Variants in DOCK3 observed in about 807,000 individuals in gnomAD.
DOCK3 encodes the protein dedicator of cytokinesis protein 3.
In DOCK3, 60 loss-of-function variants were observed where a neutral mutation model predicts 265.6. That is an observed-to-expected ratio of 0.23 (90% CI 0.18 to 0.28). The LOEUF (loss-of-function observed/expected upper bound fraction) is 0.28, where lower values mean the gene tolerates loss of function less well. DOCK3 is among the 10% of genes least tolerant of loss of function. The pLI, the probability that DOCK3 is intolerant of heterozygous loss-of-function variation, is 1.00. For missense variants in DOCK3, 1,981 were observed against 2,594.3 expected, an observed-to-expected ratio of 0.76 and a Z score of 5.14; for synonymous variants, 881 against 938.0, an observed-to-expected ratio of 0.94 and a Z score of 1.11.
intron 5 of DOCK3, 134 bp from the exon 6 acceptor site, chr3:51,064,308 TTTAAAA>T: frequency 9.0e-7 from 1 of 1,116,254 alleles, no homozygotes; most frequent in Non-Finnish European, 1.3e-6. Flanking sequence ...ACTTTCAGAC[TTTAAAA>T]TTAAGTTCCT....
intron 10 of DOCK3, among the ~76,000 whole-genome samples, chr3:51,153,471 C>G (rs1044981755): frequency 1.3e-5 from 2 of 152,198 alleles, no homozygotes; most frequent in African/African-American, 4.8e-5. Context: ...CCAGGTGAAG[C>G]GATGCCCCAC....
intron 40 of DOCK3, among the ~76,000 whole-genome samples, chr3:51,352,700 C>G (rs1171889232): frequency 6.6e-6 from 1 of 152,240 alleles, no homozygotes; most frequent in Non-Finnish European, 1.5e-5. Flanking sequence ...TCCCTTATTT[C>G]AGCTGCTCAG....
chr3:50,952,424 A>C (rs2076618896), intron 5 of DOCK3, among the ~76,000 whole-genome samples: 1 of 152,212 alleles, frequency 6.6e-6, no homozygotes, highest in African/African-American at 2.4e-5. Flanking sequence ...TTCACAGAAA[A>C]AAAAGGTATT....
intron 2 of DOCK3, among the ~76,000 whole-genome samples, chr3:50,800,447 T>C (rs2043014695): frequency 1.3e-5 from 2 of 152,134 alleles, no homozygotes; most frequent in African/African-American, 4.8e-5. Context: ...GGAATTTATC[T>C]GTTCTAGGTT....
chr3:50,694,085 A>G (rs527805722), intron 1 of DOCK3, among the ~76,000 whole-genome samples: 9 of 151,992 alleles, frequency 5.9e-5, no homozygotes, highest in South Asian at 2.1e-4. Flanking sequence ...CCTGGCCAAC[A>G]TGGCAAAACC....
intron 12 of DOCK3, among the ~76,000 whole-genome samples, chr3:51,171,257 G>C (rs2086663599): frequency 6.6e-6 from 1 of 152,040 alleles, no homozygotes; most frequent in Admixed American, 6.6e-5. Flanking sequence ...TTTATCTCAA[G>C]GTATATTATG....
In DOCK3 at chr3:50,841,057, G is replaced by A. The variant is rs568565830; in HGVS notation, c.122-618G>A. On this transcript the variant is annotated intron_variant, in intron 2 of 52. Transcript: ENST00000266037. Reference sequence around the variant, plus strand: ...CTGCTTCCTTTTAAACCCAAATAAAGAAACTATAGCAAACCTCTGAAAATA... The same window carrying A: ...CTGCTTCCTTTTAAACCCAAATAAAAAAACTATAGCAAACCTCTGAAAATA... Among the ~76,000 whole-genome samples the A allele has an allele frequency of 5.9e-5, 9 of 152,172 alleles. No individual in the cohort carries two copies. The South Asian group carries it at 1.9e-3, about 32-fold the overall frequency.
At chr3:51,191,444 C>T (rs563597372) in intron 12 of DOCK3, among the ~76,000 whole-genome samples, 1 of 152,242 alleles carries the variant, frequency 6.6e-6, no homozygotes, top group Admixed American at 6.5e-5. Flanking sequence ...TCTTTCCCTG[C>T]TGCTCCTACT....
At chr3:51,346,607 A>C (rs1386653344) in intron 38 of DOCK3, among the ~76,000 whole-genome samples, 1 of 152,184 alleles carries the variant, frequency 6.6e-6, no homozygotes, top group Non-Finnish European at 1.5e-5. Flanking sequence ...ATACGTGTGC[A>C]TGTGTGTTTA....
At chr3:51,376,846 G>C (rs1255119465) in intron 51 of DOCK3, among the ~76,000 whole-genome samples, 1 of 152,238 alleles carries the variant, frequency 6.6e-6, no homozygotes, top group African/African-American at 2.4e-5. Flanking sequence ...ACACTGATGG[G>C]CACTGAAGCT....
intron 48 of DOCK3, 79 bp from the exon 49 acceptor site, chr3:51,362,448 A>G: frequency 3.2e-6 from 5 of 1,581,570 alleles, no homozygotes; most frequent in East Asian, 4.5e-5. Context: ...ACCTCAGGGC[A>G]TGAAAAAGCA....
chr3:51,304,508 C>T (rs1257461308), intron 27 of DOCK3, among the ~76,000 whole-genome samples: 3 of 152,200 alleles, frequency 2.0e-5, no homozygotes, highest in East Asian at 1.9e-4. Context: ...CCAACCCTCA[C>T]TTGGGGGGAA....
chr3:50,820,134 T>C (rs1218827347), intron 2 of DOCK3, among the ~76,000 whole-genome samples: 2 of 152,230 alleles, frequency 1.3e-5, no homozygotes, highest in Non-Finnish European at 2.9e-5. Context: ...ATAAGTTTAC[T>C]CAGGCAGCCC....
Position 51,160,677 on chromosome 3 carries a change from A to C in DOCK3, c.1012A>C (p.Lys338Gln). ...GTCACTCACAGAAGTAAAGGAAGAA[A>C]AGGATTTTGTTCTTAAGGTTTACAC... The part of the protein sequence containing the change: ...LQSLTEVKEE[K>Q]DFVLKVYTCN... Residue 338 changes from lysine to glutamine, a missense_variant, in exon 12 of 53, where the codon AAG (lysine) becomes CAG (glutamine). This residue lies in a region of DOCK3 where 456 missense variants were observed against 539.0 expected (regional missense o/e 0.85). Coordinates refer to ENST00000266037, the MANE Select transcript of DOCK3 (RefSeq NM_004947.5). 6.2e-7 allele frequency: 1 copy of C among 1,612,756 alleles called. No homozygotes were observed. The highest frequency in any genetic ancestry group is 8.5e-7 in the Non-Finnish European group (1 of 1,179,416).
chr3:50,961,881 T>C (rs920162192), intron 5 of DOCK3, among the ~76,000 whole-genome samples: 1 of 152,222 alleles, frequency 6.6e-6, no homozygotes, highest in East Asian at 1.9e-4. Flanking sequence ...TAGAAAGGAA[T>C]TATTAATTTT....
At chr3:50,767,245 G>A (rs1296801204) in intron 1 of DOCK3, among the ~76,000 whole-genome samples, 1 of 152,082 alleles carries the variant, frequency 6.6e-6, no homozygotes, top group Non-Finnish European at 1.5e-5. Context: ...GGTTTTTATG[G>A]TTTTAGGTCT....
At chr3:50,913,897 G>A (rs1464534823) in intron 4 of DOCK3, among the ~76,000 whole-genome samples, 2 of 151,960 alleles carry the variant, frequency 1.3e-5, no homozygotes, top group Non-Finnish European at 2.9e-5. Context: ...TTAAAACCAG[G>A]TACTATATGG....
At chr3:50,966,403 G>A (rs1276969055) in intron 5 of DOCK3, among the ~76,000 whole-genome samples, 1 of 150,222 alleles carries the variant, frequency 6.7e-6, no homozygotes, top group South Asian at 2.1e-4. Flanking sequence ...TTTCATAATG[G>A]CTATGTTAAT....
Position 51,275,119 on chromosome 3 carries a change from T to A in DOCK3, c.2589T>A (p.Ile863=). The change falls in exon 25 of 53, where the codon ATT becomes ATA. Residue 863 remains isoleucine (I), a synonymous_variant. Coordinates refer to ENST00000266037, the MANE Select transcript of DOCK3 (RefSeq NM_004947.5). Reference sequence around the variant, plus strand: ...TGCTTCCTGTGGTTCTCCATCACATTCACCTTCACCTGAGGCAGCAGAAAG... The same window carrying A: ...TGCTTCCTGTGGTTCTCCATCACATACACCTTCACCTGAGGCAGCAGAAAG... ...RILLPVVLHH[I]HLHLRQQKEL... is the part of the protein sequence containing the mutation. The A allele has an allele frequency of 6.2e-7, 1 of 1,613,994 alleles. No individual in the cohort carries two copies. The highest frequency in any genetic ancestry group is 8.5e-7 in the Non-Finnish European group (1 of 1,179,892).
Sources: gnomAD v4.1 joint callset for allele counts (sites outside exome capture counted in the v4.1 genomes callset) on GRCh38, gnomAD v4.1.1 for gene constraint, gnomAD v4.1.1 regional missense constraint, MANE v1.5 for transcripts, NCBI Gene and HGNC (gene_info 2026-07-23, HGNC 2026-07-21) for gene names.